ARHGAP44: variants seen among roughly 807,000 people sequenced by gnomAD.
ARHGAP44 encodes rho GTPase-activating protein 44.
ARHGAP44 carries 43 observed loss-of-function variants against 106.8 expected under a neutral mutation model. That is an observed-to-expected ratio of 0.40 (90% CI 0.32 to 0.52). The LOEUF (loss-of-function observed/expected upper bound fraction) is 0.52. ARHGAP44 is among the 20% of genes least tolerant of loss of function. ARHGAP44 has a pLI of 0.48. For missense variants in ARHGAP44, 866 were observed against 1,050.5 expected (o/e 0.82, Z 2.43); for synonymous variants, 439 against 410.3 (o/e 1.07, Z -0.85).
At chr17:12,910,510 G>A (rs1361638856) in intron 4 of ARHGAP44, among the ~76,000 whole-genome samples, 7 of 136,512 alleles carry the variant, frequency 5.1e-5, no homozygotes, top group African/African-American at 8.3e-5. Flanking sequence ...GTGCAATGAC[G>A]CAATCTCAGC....
chr17:12,795,559 AT>A (rs61228252), intron 1 of ARHGAP44, among the ~76,000 whole-genome samples: 12 of 148,586 alleles, frequency 8.1e-5, no homozygotes, highest in African/African-American at 1.5e-4. Flanking sequence ...AATAAGGACC[AT>A]TTTTTTTTTC....
At chr17:12,891,654 C>G (rs1242663254) in intron 1 of ARHGAP44, among the ~76,000 whole-genome samples, 1 of 152,206 alleles carries the variant, frequency 6.6e-6, no homozygotes, top group Non-Finnish European at 1.5e-5. Flanking sequence ...ATCCAAACCA[C>G]AGGAGTATAG....
chr17:12,894,280 A>G (rs1396229975), intron 1 of ARHGAP44, among the ~76,000 whole-genome samples: 9 of 143,650 alleles, frequency 6.3e-5, no homozygotes, highest in Non-Finnish European at 1.5e-5. Context: ...GCGTGTTGTC[A>G]GATAAAGAGA....
At chr17:12,959,207 A>G (rs1218726095) in intron 16 of ARHGAP44, among the ~76,000 whole-genome samples, 1 of 152,172 alleles carries the variant, frequency 6.6e-6, no homozygotes, top group Non-Finnish European at 1.5e-5. Context: ...CTTTATTTGG[A>G]ATCAAAATGT....
intron 1 of ARHGAP44, among the ~76,000 whole-genome samples, chr17:12,874,404 C>T (rs2036493065): frequency 6.6e-6 from 1 of 152,208 alleles, no homozygotes; most frequent in East Asian, 1.9e-4. Context: ...AACAAGGTAA[C>T]AGAGCCTGCC....
intron 10 of ARHGAP44, among the ~76,000 whole-genome samples, chr17:12,948,478 T>C (rs1329720032): frequency 3.3e-5 from 5 of 152,082 alleles, no homozygotes; most frequent in Non-Finnish European, 5.9e-5. Flanking sequence ...AAGACCAGCC[T>C]GGCCAACATG....
chr17:12,894,264 G>A (rs142349310), intron 1 of ARHGAP44, among the ~76,000 whole-genome samples: 58 of 150,958 alleles, frequency 3.8e-4, no homozygotes, highest in South Asian at 1.5e-3. Flanking sequence ...GTGTGTGCAC[G>A]TGCGTGCGTG....
chr17:12,968,234 T>G (rs2039439946), intron 16 of ARHGAP44, among the ~76,000 whole-genome samples: 1 of 152,170 alleles, frequency 6.6e-6, no homozygotes, highest in Non-Finnish European at 1.5e-5. Context: ...TGAATGTTTT[T>G]ATCTGTCTCC....
chr17:12,863,507 AT>A (rs1465494445), intron 1 of ARHGAP44, among the ~76,000 whole-genome samples: 3 of 152,196 alleles, frequency 2.0e-5, no homozygotes, highest in African/African-American at 7.2e-5. Flanking sequence ...AAATAAAATT[AT>A]TGTGCCAATT....
chr17:12,893,895 CTT>C (rs2037122539), intron 1 of ARHGAP44, among the ~76,000 whole-genome samples: 1 of 152,156 alleles, frequency 6.6e-6, no homozygotes, highest in Non-Finnish European at 1.5e-5. Context: ...AAGGACAACA[CTT>C]TTACCATGTT....
At chr17:12,916,447 G>A (rs564168527) in intron 5 of ARHGAP44, among the ~76,000 whole-genome samples, 1 of 151,924 alleles carries the variant, frequency 6.6e-6, no homozygotes, top group African/African-American at 2.4e-5. Flanking sequence ...GCAGTGGTAC[G>A]ATCATGGTTC....
chr17:12,888,694 T>G (rs2150909456), intron 1 of ARHGAP44, among the ~76,000 whole-genome samples: 1 of 152,356 alleles, frequency 6.6e-6, no homozygotes, highest in Middle Eastern at 3.4e-3. Context: ...TGTTGAAGTT[T>G]CCAACTATAG....
Position 12,936,983 on chromosome 17 carries a change from C to T in ARHGAP44, c.583-4073C>T, listed in dbSNP as rs560729034. 7.3e-4 allele frequency among the ~76,000 whole-genome samples: 111 copies of T among 152,242 alleles called. 1 individual carries two copies. Among genetic ancestry groups the T allele is most frequent in the African/African-American group, 2.1e-3 (87 of 41,550 alleles). On this transcript the variant is annotated intron_variant, in intron 7 of 20. Transcript: ENST00000379672. ...ACATGATGTATTATAAAAGAAACAG[C>T]GGTAAATAGTTCTTTGGTGATGTGG...
chr17:12,979,938 C>G, intron 18 of ARHGAP44, 120 bp from the exon 19 acceptor site: 1 of 1,109,396 alleles, frequency 9.0e-7, no homozygotes, highest in East Asian at 2.6e-5. Context: ...CAAGACAGAC[C>G]AGAGCTGGGA....
At chr17:12,909,039 C>CT (rs1430042172) in intron 4 of ARHGAP44, 66 bp downstream of exon 4, 2 of 1,355,248 alleles carry the variant, frequency 1.5e-6, no homozygotes, top group African/African-American at 3.0e-5. Context: ...GAAAAGGGGA[C>CT]TAGACCCTCT....
chr17:12,943,500 A>G, intron 8 of ARHGAP44, 88 bp from the exon 9 acceptor site: 1 of 1,238,682 alleles, frequency 8.1e-7, no homozygotes, highest in Non-Finnish European at 1.2e-6. Context: ...CGCATGTGGA[A>G]GCACCTTTCT....
intron 3 of ARHGAP44, among the ~76,000 whole-genome samples, chr17:12,904,598 A>C (rs1449624184): frequency 6.6e-6 from 1 of 152,214 alleles, no homozygotes; most frequent in Non-Finnish European, 1.5e-5. Flanking sequence ...GTAACCATTA[A>C]AATAAAAGAA....
intron 19 of ARHGAP44, among the ~76,000 whole-genome samples, chr17:12,982,320 ATT>A (rs11317054): frequency 3.2e-3 from 467 of 146,138 alleles, no homozygotes; most frequent in African/African-American, 9.2e-3. Flanking sequence ...TTTTTTTTTA[ATT>A]TTTTTTTTTT....
chr17:12,877,691 C>T (rs200263328), intron 1 of ARHGAP44, among the ~76,000 whole-genome samples: 3 of 151,388 alleles, frequency 2.0e-5, no homozygotes, highest in Admixed American at 6.6e-5. Flanking sequence ...CGGAGCTTGC[C>T]GTGAGCCGAG....
Sources: allele counts gnomAD v4.1 joint callset (sites outside exome capture counted in the v4.1 genomes callset), GRCh38; gene constraint gnomAD v4.1.1; transcripts MANE v1.5; gene names NCBI Gene and HGNC (gene_info 2026-07-23, HGNC 2026-07-21).